The following XKR6 variants were observed in gnomAD, a reference collection of about 807,000 sequenced individuals.
The protein encoded by XKR6 is XK related 6.
A neutral mutation model predicts 56.7 loss-of-function variants in XKR6; 22 were observed. The ratio of observed to expected loss-of-function variants is 0.39; its 90% CI spans 0.28 to 0.55. The LOEUF (loss-of-function observed/expected upper bound fraction) is 0.55. Ranked by LOEUF, XKR6 falls within the 20% of genes least tolerant of loss-of-function variation. The pLI, the probability that XKR6 is intolerant of heterozygous loss-of-function variation, is 0.66. For synonymous variants in XKR6, 524 were observed against 387.8 expected (o/e 1.35, Z -4.13); for missense variants, 852 against 889.0 (o/e 0.96, Z 0.53).
At chr8:11,155,049 G>C (rs1243376661) in intron 1 of XKR6, among the ~76,000 whole-genome samples, 2 of 152,206 alleles carry the variant, frequency 1.3e-5, no homozygotes, top group Non-Finnish European at 2.9e-5. Flanking sequence ...AAAACAAACA[G>C]CAATATTTTG....
intron 1 of XKR6, among the ~76,000 whole-genome samples, chr8:11,160,203 A>AAAAAAGT (rs145317879): frequency 2.6e-5 from 4 of 152,084 alleles, no homozygotes; most frequent in African/African-American, 9.7e-5. Context: ...TCAGAAACAA[A>AAAAAAGT]AAAAAAGTAA....
chr8:11,015,702 G>T (rs560825287), intron 1 of XKR6, among the ~76,000 whole-genome samples: 20 of 152,288 alleles, frequency 1.3e-4, no homozygotes, highest in Non-Finnish European at 2.8e-4. Flanking sequence ...ACCAGAAGGA[G>T]CGAGGGAGCA....
rs555011243 is a variant in XKR6, at chr8:11,187,059, G to C, written c.764+13517C>G. On this transcript the variant is annotated intron_variant, in intron 1 of 2. Transcript: ENST00000416569. Reference sequence around the variant, plus strand: ...CAGTCTTTTCCTTGACAACTGGCTAGTGTTGCTCTTTTTTTGTTTACTGTA... The same window carrying C: ...CAGTCTTTTCCTTGACAACTGGCTACTGTTGCTCTTTTTTTGTTTACTGTA... Among the ~76,000 whole-genome samples, 150 of 152,304 alleles carry C rather than the reference G, an allele frequency of 9.8e-4. 1 individual carries two copies. The highest frequency in any genetic ancestry group is 2.9e-3 in the Admixed American group (45 of 15,304).
intron 1 of XKR6, among the ~76,000 whole-genome samples, chr8:11,082,630 G>A (rs922162643): frequency 1.3e-5 from 2 of 152,194 alleles, no homozygotes; most frequent in African/African-American, 4.8e-5. Context: ...TGCAGCCTGG[G>A]AGAAAGTCAA....
At chr8:11,131,800 C>T (rs906576367) in intron 1 of XKR6, among the ~76,000 whole-genome samples, 4 of 152,152 alleles carry the variant, frequency 2.6e-5, no homozygotes, top group African/African-American at 9.7e-5. Context: ...TTACAACTGC[C>T]TACACTATTC....
chr8:10,913,777 G>C (rs982690530), intron 2 of XKR6, among the ~76,000 whole-genome samples: 5 of 152,198 alleles, frequency 3.3e-5, no homozygotes, highest in African/African-American at 9.7e-5. Context: ...TGACAGGAAG[G>C]CTGCAGAGGT....
chr8:10,942,494 C>A (rs137921243), intron 1 of XKR6, among the ~76,000 whole-genome samples: 10 of 152,228 alleles, frequency 6.6e-5, no homozygotes, highest in Non-Finnish European at 1.2e-4. Context: ...TGCCTGCTCC[C>A]GGTCACTCGC....
At chr8:11,127,086 G>A (rs1294567590) in intron 1 of XKR6, among the ~76,000 whole-genome samples, 1 of 152,114 alleles carries the variant, frequency 6.6e-6, no homozygotes, top group African/African-American at 2.4e-5. Context: ...AGAGTACTAA[G>A]GGTACTCTAG....
At chr8:11,167,500 A>G (rs1215845325) in intron 1 of XKR6, among the ~76,000 whole-genome samples, 22 of 152,212 alleles carry the variant, frequency 1.4e-4, no homozygotes, top group Admixed American at 1.4e-3. Flanking sequence ...CAATCCAGAC[A>G]CCTGGGGTCA....
intron 1 of XKR6, among the ~76,000 whole-genome samples, chr8:11,077,193 C>G (rs1398014109): frequency 1.3e-5 from 2 of 152,108 alleles, no homozygotes; most frequent in Non-Finnish European, 2.9e-5. Flanking sequence ...AAACCACAAG[C>G]ATAAAGCATT....
chr8:11,175,369 C>T, intron 1 of XKR6: 2 of 172,812 alleles, frequency 1.2e-5, no homozygotes, highest in East Asian at 1.4e-4. Context: ...TTGAGCATTT[C>T]GAGGTAAATA....
At chr8:11,129,597 G>A (rs902184827) in intron 1 of XKR6, among the ~76,000 whole-genome samples, 2 of 152,098 alleles carry the variant, frequency 1.3e-5, no homozygotes, top group African/African-American at 2.4e-5. Context: ...AATACCATGC[G>A]CTGTTAAGAA....
intron 1 of XKR6, among the ~76,000 whole-genome samples, chr8:11,059,544 C>T (rs1249942846): frequency 6.6e-6 from 1 of 151,996 alleles, no homozygotes; most frequent in Non-Finnish European, 1.5e-5. Flanking sequence ...ACAACCCGGC[C>T]CGGCGAGCGA....
At chr8:11,125,115 GA>G (rs558368450) in intron 1 of XKR6, among the ~76,000 whole-genome samples, 1 of 147,794 alleles carries the variant, frequency 6.8e-6, no homozygotes. Flanking sequence ...AAAAAGAAAA[GA>G]AAAAAAAAGT....
chr8:11,145,042 AAGGG>A (rs60582869), intron 1 of XKR6, among the ~76,000 whole-genome samples: 11 of 128,910 alleles, frequency 8.5e-5, no homozygotes, highest in African/African-American at 3.5e-4. Context: ...GGAGAGAAAG[AAGGG>A]AGGGAGGGAG....
intron 1 of XKR6, among the ~76,000 whole-genome samples, chr8:11,069,772 C>A (rs1445682949): frequency 6.6e-6 from 1 of 152,190 alleles, no homozygotes; most frequent in African/African-American, 2.4e-5. Flanking sequence ...CAGTGCACTA[C>A]TGTGCAACTG....
In XKR6 at chr8:10,946,594, C is replaced by T. The variant is rs556077836; in HGVS notation, c.765-21764G>A. On this transcript the variant is annotated intron_variant, in intron 1 of 2. Coordinates refer to ENST00000416569, the MANE Select transcript of XKR6 (RefSeq NM_173683.4). ...GGGCTATGCTGTCCCACAATCTGCC[C>T]GAAACATGCCCCTTTATGACATTCC... Among the ~76,000 whole-genome samples the T allele has an allele frequency of 3.3e-5, 5 of 152,106 alleles. No homozygotes were observed. The South Asian group carries it at 6.2e-4, about 19-fold the overall frequency.
At chr8:11,089,159 C>A (rs568228483) in intron 1 of XKR6, among the ~76,000 whole-genome samples, 12 of 152,160 alleles carry the variant, frequency 7.9e-5, no homozygotes, top group African/African-American at 2.9e-4. Flanking sequence ...AGAATGAAAC[C>A]AGGGAGTGGA....
chr8:11,056,536 C>A (rs759479044), intron 1 of XKR6, among the ~76,000 whole-genome samples: 1 of 152,158 alleles, frequency 6.6e-6, no homozygotes, highest in Non-Finnish European at 1.5e-5. Context: ...CCAAATGCAA[C>A]TCCTCAAAGA....
Sources: gnomAD v4.1 joint callset for allele counts (sites outside exome capture counted in the v4.1 genomes callset) on GRCh38, gnomAD v4.1.1 for gene constraint, MANE v1.5 for transcripts, NCBI Gene and HGNC (gene_info 2026-07-23, HGNC 2026-07-21) for gene names.